SIM1: variants seen among roughly 807,000 people sequenced by gnomAD.
SIM1 encodes the protein single-minded homolog 1.
A neutral mutation model predicts 78.2 loss-of-function variants in SIM1; 18 were observed. The ratio of observed to expected loss-of-function variants is 0.23; its 90% CI spans 0.16 to 0.34. The LOEUF is 0.34. Ranked by LOEUF, SIM1 falls within the 10% of genes least tolerant of loss-of-function variation. The pLI is 1.00. For synonymous variants in SIM1, 417 were observed against 385.2 expected, an observed-to-expected ratio of 1.08 and a Z score of -0.97; for missense variants, 939 against 975.1, an observed-to-expected ratio of 0.96 and a Z score of 0.49.
At chr6:100,400,720 T>C (rs1226216757) in intron 10 of SIM1, among the ~76,000 whole-genome samples, 2 of 152,002 alleles carry the variant, frequency 1.3e-5, no homozygotes, top group African/African-American at 2.4e-5. Context: ...ACCCACTAAA[T>C]AAATCCATGG....
At position 100,412,673 on chromosome 6, in the gene SIM1, GAA is replaced by G. The variant is rs1484205661; in HGVS notation, c.1167+8115_1167+8116del. ...AGAAAGAAAGAGAGAGAGAGAGAGAGAAAGAAAGAAAAAGAAAGAAAGAAAGA... is the reference window on the plus strand; with the variant it reads ...AGAAAGAAAGAGAGAGAGAGAGAGAGAGAAAGAAAAAGAAAGAAAGAAAGA... On this transcript the variant is annotated intron_variant, in intron 10 of 11. Transcript: ENST00000369208. Among the ~76,000 whole-genome samples the G allele has an allele frequency of 5.2e-3, 534 of 103,598 alleles. 24 individuals carry two copies. Among genetic ancestry groups the G allele is most frequent in the African/African-American group, 0.012 (332 of 26,860 alleles). The allele number at this position is 103,598 out of a possible 152,430, so 68.0% of individuals were successfully genotyped here. A position where few individuals can be genotyped will look rare whatever the true frequency, so the allele number is the denominator to read the frequency against.
intron 9 of SIM1, among the ~76,000 whole-genome samples, chr6:100,439,820 A>G (rs530598581): frequency 6.6e-6 from 1 of 152,302 alleles, no homozygotes; most frequent in East Asian, 1.9e-4. Flanking sequence ...TCTCTAGCAC[A>G]AAGAAAGTGC....
At chr6:100,463,124 G>C (rs1470118028) in intron 2 of SIM1, 170 bp downstream of exon 2, 3 of 556,214 alleles carry the variant, frequency 5.4e-6, no homozygotes, top group Non-Finnish European at 9.5e-6. Flanking sequence ...AAAAGCGACA[G>C]AAATTCTGAG....
chr6:100,422,773 C>G (rs980031085), intron 9 of SIM1, among the ~76,000 whole-genome samples: 18 of 152,216 alleles, frequency 1.2e-4, no homozygotes, highest in African/African-American at 4.1e-4. Flanking sequence ...ACAATGTATA[C>G]ATACATTGAA....
At position 100,410,193 on chromosome 6, in the gene SIM1, C is replaced by G. The variant is rs141214826; in HGVS notation, c.1167+10597G>C. On this transcript the variant is annotated intron_variant, in intron 10 of 11. Coordinates refer to ENST00000369208, the MANE Select transcript of SIM1 (RefSeq NM_005068.3). The stretch of plus-strand genomic sequence containing the variant: ...ATATACTGCCAAATGAGGCATTGCT[C>G]TCTTTAAATTTACTCTTTAGTTTTA... 3.3e-5 allele frequency among the ~76,000 whole-genome samples: 5 copies of G among 152,308 alleles called. No individual in the cohort carries two copies. The East Asian group carries it at 9.6e-4, about 29-fold the overall frequency.
At chr6:100,399,387 G>A (rs1321157762) in intron 10 of SIM1, among the ~76,000 whole-genome samples, 1 of 152,044 alleles carries the variant, frequency 6.6e-6, no homozygotes, top group East Asian at 1.9e-4. Context: ...TTCTTGTAAT[G>A]ACAAAATTAC....
intron 10 of SIM1, among the ~76,000 whole-genome samples, chr6:100,413,356 C>G (rs371626025): frequency 6.6e-6 from 1 of 152,184 alleles, no homozygotes; most frequent in African/African-American, 2.4e-5. Flanking sequence ...CTGGTTACCA[C>G]GGGCAACATC....
intron 10 of SIM1, among the ~76,000 whole-genome samples, chr6:100,417,607 C>T (rs1771437899): frequency 6.6e-6 from 1 of 152,130 alleles, no homozygotes; most frequent in African/African-American, 2.4e-5. Flanking sequence ...AATTTAGAAT[C>T]CAAGATGGAG....
intron 9 of SIM1, among the ~76,000 whole-genome samples, chr6:100,439,404 T>C (rs1022729294): frequency 1.3e-5 from 2 of 152,226 alleles, no homozygotes; most frequent in Admixed American, 6.5e-5. Flanking sequence ...TCTGTGTCCT[T>C]AGCAAATGGT....
chr6:100,431,319 T>C (rs1431775006), intron 9 of SIM1, among the ~76,000 whole-genome samples: 1 of 152,230 alleles, frequency 6.6e-6, no homozygotes, highest in African/African-American at 2.4e-5. Context: ...CTATGACTTA[T>C]CAAATCTCAT....
At chr6:100,433,203 G>T (rs1031380267) in intron 9 of SIM1, among the ~76,000 whole-genome samples, 1 of 152,122 alleles carries the variant, frequency 6.6e-6, no homozygotes, top group Admixed American at 6.5e-5. Context: ...TGTCATGCCC[G>T]TGTGCAGAAT....
At chr6:100,424,491 A>C (rs962396202) in intron 9 of SIM1, among the ~76,000 whole-genome samples, 6 of 152,116 alleles carry the variant, frequency 3.9e-5, no homozygotes, top group African/African-American at 1.4e-4. Context: ...GTTGGAGTGC[A>C]GTGGTGCAAT....
intron 10 of SIM1, among the ~76,000 whole-genome samples, chr6:100,395,287 A>G (rs1336793233): frequency 6.6e-6 from 1 of 152,148 alleles, no homozygotes; most frequent in African/African-American, 2.4e-5. Context: ...TTGTCATTTA[A>G]TCATTCCATA....
At chr6:100,393,920 T>C in intron 10 of SIM1, 31 bp from the exon 11 acceptor site, 1 of 1,513,114 alleles carries the variant, frequency 6.6e-7, no homozygotes, top group Non-Finnish European at 8.8e-7. Flanking sequence ...AAAGTCCATT[T>C]CAAAAATCAA....
chr6:100,444,562 C>G (rs1304082320), intron 9 of SIM1, among the ~76,000 whole-genome samples: 1 of 152,054 alleles, frequency 6.6e-6, no homozygotes, highest in African/African-American at 2.4e-5. Context: ...CTCATAGTAT[C>G]TTCTCACTCT....
intron 9 of SIM1, among the ~76,000 whole-genome samples, chr6:100,445,114 C>A (rs1302834364): frequency 6.6e-6 from 1 of 152,144 alleles, no homozygotes; most frequent in South Asian, 2.1e-4. Flanking sequence ...TTTGCTAAGA[C>A]AATGTAAATT....
intron 10 of SIM1, among the ~76,000 whole-genome samples, chr6:100,403,570 A>T (rs1770982297): frequency 6.6e-6 from 1 of 152,254 alleles, no homozygotes; most frequent in Non-Finnish European, 1.5e-5. Flanking sequence ...TAATGCACAG[A>T]ATATAACTTT....
At chr6:100,456,798 T>C (rs1361932231) in intron 2 of SIM1, among the ~76,000 whole-genome samples, 1 of 152,246 alleles carries the variant, frequency 6.6e-6, no homozygotes, top group East Asian at 1.9e-4. Context: ...CAAGTTTCAC[T>C]GTGGCTTTAC....
At chr6:100,433,096 C>T (rs1031378258) in intron 9 of SIM1, among the ~76,000 whole-genome samples, 15 of 152,236 alleles carry the variant, frequency 9.9e-5, no homozygotes, top group African/African-American at 2.9e-4. Context: ...CTTCCCTCAC[C>T]GAGGCAATTA....
Sources: gnomAD v4.1 joint callset for allele counts (sites outside exome capture counted in the v4.1 genomes callset) on GRCh38, gnomAD v4.1.1 for gene constraint, MANE v1.5 for transcripts, NCBI Gene and HGNC (gene_info 2026-07-23, HGNC 2026-07-21) for gene names.